Variants in FABP12 observed in about 807,000 individuals in gnomAD.
FABP12 encodes fatty acid binding protein 12.
A neutral mutation model predicts 13.7 loss-of-function variants in FABP12; 19 were observed. The ratio of observed to expected loss-of-function variants is 1.39; its 90% CI spans 0.97 to 2.04. The LOEUF (loss-of-function observed/expected upper bound fraction) is 2.04. Ranked by LOEUF, FABP12 falls within the 30% of genes most tolerant of loss-of-function variation. FABP12 has a pLI of 0.00. For synonymous variants in FABP12, 61 were observed against 57.0 expected (o/e 1.07, Z -0.32); for missense variants, 182 against 164.2 (o/e 1.11, Z -0.59).
chr8:81,532,983 A>G lies in FABP12; in HGVS notation c.-76+819T>C, dbSNP rs979000905. ...GGGTAATCTGGGCACTGAAGGCACT[A>G]CAATTCCCAGGATTTTTCAAGAAAA... is the stretch of plus-strand genomic sequence containing the variant. On this transcript the variant is annotated intron_variant, in intron 1 of 4. Coordinates refer to ENST00000360464, the Ensembl canonical transcript of FABP12. 5.3e-5 allele frequency: 8 copies of G among 152,244 alleles called. No homozygotes were observed. The East Asian group carries it at 1.5e-3, about 29-fold the overall frequency. The allele number at this position is 152,244 out of a possible 1,614,324, so 9.4% of individuals were successfully genotyped here.
At chr8:81,586,178 TC>T (rs750480719) in intron 1 of FABP12, among the ~76,000 whole-genome samples, 23 of 152,176 alleles carry the variant, frequency 1.5e-4, no homozygotes, top group Non-Finnish European at 2.5e-4. Flanking sequence ...ATGATCCCAT[TC>T]TTTTTATAGC....
intron 4 of FABP12, chr8:81,526,100 C>T (rs1808892514): frequency 6.6e-6 from 1 of 152,176 alleles, no homozygotes; most frequent in African/African-American, 2.4e-5. Flanking sequence ...CATCCTTAGT[C>T]TTCCCCTTGT....
At chr8:81,574,101 GC>G (rs1286210998) in intron 1 of FABP12, among the ~76,000 whole-genome samples, 1 of 152,092 alleles carries the variant, frequency 6.6e-6, no homozygotes, top group Non-Finnish European at 1.5e-5. Flanking sequence ...GTCATAGATG[GC>G]TTTTATTACA....
At position 81,549,584 on chromosome 8, in the gene FABP12, T is replaced by C. The variant is rs546268677; in HGVS notation, c.-184-9841A>G. Reference sequence around the variant, plus strand: ...TATAGAGCAAGATTTAAAAGTTCACTGAACTGTGAGTTTTCTTAATTGGTA... The same window carrying C: ...TATAGAGCAAGATTTAAAAGTTCACCGAACTGTGAGTTTTCTTAATTGGTA... On this transcript the variant is annotated intron_variant, in intron 1 of 5. Transcript: ENST00000692030. Among the ~76,000 whole-genome samples the C allele has an allele frequency of 5.3e-5, 8 of 152,326 alleles. No homozygotes were observed. The South Asian group carries it at 1.7e-3, about 32-fold the overall frequency.
chr8:81,562,055 G>A (rs1222269236), intron 1 of FABP12, among the ~76,000 whole-genome samples: 1 of 152,166 alleles, frequency 6.6e-6, no homozygotes, highest in Non-Finnish European at 1.5e-5. Flanking sequence ...CTTGAGGAGA[G>A]GGGAGAATAA....
At chr8:81,547,736 GA>G in intron 1 of FABP12, among the ~76,000 whole-genome samples, 1 of 152,132 alleles carries the variant, frequency 6.6e-6, no homozygotes, top group East Asian at 1.9e-4. Flanking sequence ...TGTGCCCACA[GA>G]ATTCCTGCCA....
intron 1 of FABP12, chr8:81,533,218 TGTGTCAGTCACATCA>T (rs1809126632): frequency 6.6e-6 from 1 of 152,262 alleles, no homozygotes; most frequent in African/African-American, 2.4e-5. Flanking sequence ...GCTCCGTTCA[TGTGTCAGTCACATCA>T]GCTCAGAGAC....
chr8:81,580,051 A>T (rs1171577958), intron 1 of FABP12, among the ~76,000 whole-genome samples: 1 of 152,198 alleles, frequency 6.6e-6, no homozygotes, highest in East Asian at 1.9e-4. Flanking sequence ...TGCCAGTAAG[A>T]GAAAAGCGTG....
At chr8:81,556,301 G>A (rs535620179) in intron 1 of FABP12, among the ~76,000 whole-genome samples, 8 of 152,234 alleles carry the variant, frequency 5.3e-5, no homozygotes, top group African/African-American at 1.9e-4. Flanking sequence ...GATGGACAAA[G>A]TTTAGGGTAA....
chr8:81,525,255 C>A, intron 4 of FABP12, 135 bp from the exon 5 acceptor site: 1 of 586,806 alleles, frequency 1.7e-6, no homozygotes. Context: ...GTGGCTCACA[C>A]CTGTAATCCC....
intron 1 of FABP12, among the ~76,000 whole-genome samples, chr8:81,559,490 G>A (rs1338447308): frequency 3.3e-5 from 5 of 152,136 alleles, no homozygotes; most frequent in South Asian, 2.1e-4. Context: ...CAGGGTGATC[G>A]GGGGCTGGTC....
At chr8:81,533,366 C>T (rs1809133370) in intron 1 of FABP12, 1 of 152,234 alleles carries the variant, frequency 6.6e-6, no homozygotes, top group South Asian at 2.1e-4. Context: ...TTGCCCACTC[C>T]TATAGGTTCA....
intron 1 of FABP12, among the ~76,000 whole-genome samples, chr8:81,581,240 A>G (rs1271589409): frequency 6.6e-6 from 1 of 152,240 alleles, no homozygotes; most frequent in East Asian, 1.9e-4. Context: ...ATAGGGGCCA[A>G]TGCTACCCAA....
rs35386904 is a variant in FABP12 at position 81,539,433 on chromosome 8, C to CTTTTTT, written c.-59+179_-59+184dup. 1.4e-3 allele frequency among the ~76,000 whole-genome samples: 71 copies of CTTTTTT among 50,020 alleles called. 2 individuals carry two copies. Among genetic ancestry groups the CTTTTTT allele is most frequent in the South Asian group, 2.8e-3 (2 of 722 alleles). 32.8% of individuals were successfully genotyped at this position (50,020 alleles called of 152,430 possible). ...AAACATTTTCCTTACTTCTTTAGTT[C>CTTTTTT]TTTTTTTTTTTTTTTTTTTTTTTTT... On this transcript the variant is annotated intron_variant, in intron 2 of 5. Transcript: ENST00000692030.
upstream of FABP12, among the ~76,000 whole-genome samples, chr8:81,538,824 T>A (rs1809281691): frequency 6.6e-6 from 1 of 152,134 alleles, no homozygotes; most frequent in Admixed American, 6.6e-5. Flanking sequence ...GACCTTTATG[T>A]TTTATTTTAA....
chr8:81,529,377 G>C, intron 3 of FABP12, 61 bp downstream of exon 3: 7 of 1,526,302 alleles, frequency 4.6e-6, no homozygotes, highest in South Asian at 1.1e-5. Context: ...CTTACTTACC[G>C]AGGATGATAT....
intron 1 of FABP12, among the ~76,000 whole-genome samples, chr8:81,567,580 G>T (rs544577287): frequency 6.6e-6 from 1 of 152,168 alleles, no homozygotes; most frequent in Non-Finnish European, 1.5e-5. Context: ...TCAATAAATG[G>T]TGCTGGAGAA....
At chr8:81,582,678 A>T (rs1433453749) in intron 1 of FABP12, among the ~76,000 whole-genome samples, 6 of 152,180 alleles carry the variant, frequency 3.9e-5, no homozygotes, top group African/African-American at 1.4e-4. Context: ...ACATAAATGC[A>T]CCATGCACTG....
chr8:81,544,154 C>T (rs750883776), intron 1 of FABP12, among the ~76,000 whole-genome samples: 5 of 152,016 alleles, frequency 3.3e-5, no homozygotes, highest in Non-Finnish European at 5.9e-5. Context: ...ATAATGGAGG[C>T]AACTGAAAAG....
Sources: gnomAD v4.1 joint callset for allele counts (sites outside exome capture counted in the v4.1 genomes callset) on GRCh38, gnomAD v4.1.1 for gene constraint, MANE v1.5 for transcripts, NCBI Gene and HGNC (gene_info 2026-07-23, HGNC 2026-07-21) for gene names.